The following CNTNAP2 variants were observed in gnomAD, a reference collection of about 807,000 sequenced individuals.
CNTNAP2 encodes contactin associated protein 2.
CNTNAP2 carries 98 observed loss-of-function variants against 155.2 expected under a neutral mutation model. The ratio of observed to expected loss-of-function variants is 0.63; its 90% CI spans 0.54 to 0.75. CNTNAP2 has a LOEUF of 0.75. CNTNAP2 is among the 30% of genes least tolerant of loss of function. The pLI is 0.00. For missense variants in CNTNAP2, 1,727 were observed against 1,688.1 expected (o/e 1.02, Z -0.40); for synonymous variants, 651 against 631.2 (o/e 1.03, Z -0.47).
At chr7:146,262,565 C>T (rs1799936341) in intron 1 of CNTNAP2, among the ~76,000 whole-genome samples, 1 of 152,070 alleles carries the variant, frequency 6.6e-6, no homozygotes, top group Non-Finnish European at 1.5e-5. Flanking sequence ...AAAAAACAAG[C>T]AACCAACTAC....
chr7:147,131,591 A>T (rs1801373425), intron 7 of CNTNAP2, among the ~76,000 whole-genome samples: 1 of 152,072 alleles, frequency 6.6e-6, no homozygotes, highest in South Asian at 2.1e-4. Context: ...GAATTAATGC[A>T]TTGTGATATA....
At chr7:147,202,731 G>T (rs1802947107) in intron 8 of CNTNAP2, among the ~76,000 whole-genome samples, 2 of 152,026 alleles carry the variant, frequency 1.3e-5, no homozygotes. Context: ...CTCACTCATA[G>T]GTGGGAGTTG....
chr7:146,317,639 A>G (rs1448856784), intron 1 of CNTNAP2, among the ~76,000 whole-genome samples: 2 of 152,220 alleles, frequency 1.3e-5, no homozygotes, highest in African/African-American at 2.4e-5. Flanking sequence ...ATTTTCTACA[A>G]GTTAAAAACT....
chr7:147,025,337 AGGGGG>A (rs1414820925), intron 3 of CNTNAP2, among the ~76,000 whole-genome samples: 1 of 36,354 alleles, frequency 2.8e-5, no homozygotes, highest in Non-Finnish European at 5.3e-5. Context: ...GGGAGAAGAA[AGGGGG>A]GAGGGGAGGG....
rs186428507 is a variant in CNTNAP2, at chr7:147,244,350, T to C, written c.1349-55791T>C. ...CCAATAAAAAGAAAATGACGTTTCT[T>C]TGCAAGGAGTAGACTTTACTAAGCA... On this transcript the variant is annotated intron_variant, in intron 8 of 23. Coordinates refer to ENST00000361727, the MANE Select transcript of CNTNAP2 (RefSeq NM_014141.6). Among the ~76,000 whole-genome samples the C allele has an allele frequency of 2.7e-3, 407 of 152,252 alleles. 1 individual carries two copies. The highest frequency in any genetic ancestry group is 9.2e-3 in the African/African-American group (381 of 41,534).
chr7:146,534,599 C>G (rs1275400883), intron 1 of CNTNAP2, among the ~76,000 whole-genome samples: 1 of 151,986 alleles, frequency 6.6e-6, no homozygotes, highest in Non-Finnish European at 1.5e-5. Context: ...ATAAGAACAA[C>G]AGGTTTCTAA....
At chr7:146,369,519 T>C (rs888897368) in intron 1 of CNTNAP2, among the ~76,000 whole-genome samples, 1 of 152,192 alleles carries the variant, frequency 6.6e-6, no homozygotes, top group Admixed American at 6.5e-5. Context: ...CATAGGAATT[T>C]ACGTTTTCAG....
intron 14 of CNTNAP2, among the ~76,000 whole-genome samples, chr7:147,935,204 G>A (rs534191584): frequency 3.6e-4 from 54 of 151,784 alleles, no homozygotes; most frequent in African/African-American, 1.2e-3. Context: ...TCGGCTCACT[G>A]CAATCTGTGC....
chr7:148,294,934 G>A (rs979162020), intron 21 of CNTNAP2, among the ~76,000 whole-genome samples: 4 of 151,962 alleles, frequency 2.6e-5, no homozygotes, highest in Admixed American at 2.0e-4. Context: ...TTTTGCATCT[G>A]TTTCACTCTT....
chr7:147,149,903 A>C (rs995595162), intron 8 of CNTNAP2, among the ~76,000 whole-genome samples: 1 of 152,186 alleles, frequency 6.6e-6, no homozygotes, highest in African/African-American at 2.4e-5. Context: ...GTTAAAAGAT[A>C]TAACTATCAC....
chr7:148,351,558 C>T (rs1427969994), intron 21 of CNTNAP2, among the ~76,000 whole-genome samples: 6 of 151,696 alleles, frequency 4.0e-5, no homozygotes, highest in Non-Finnish European at 7.4e-5. Context: ...GCCTGACCAA[C>T]ATGGTGAAAC....
intron 10 of CNTNAP2, among the ~76,000 whole-genome samples, chr7:147,424,855 C>T (rs1221990850): frequency 3.3e-5 from 5 of 152,146 alleles, no homozygotes; most frequent in African/African-American, 9.7e-5. Flanking sequence ...TCATCTTTCA[C>T]TCTTCCTTTT....
At chr7:146,410,528 G>T (rs1338042575) in intron 1 of CNTNAP2, among the ~76,000 whole-genome samples, 1 of 152,020 alleles carries the variant, frequency 6.6e-6, no homozygotes, top group African/African-American at 2.4e-5. Flanking sequence ...AATTCAGGGG[G>T]AGACGTGCAG....
intron 13 of CNTNAP2, among the ~76,000 whole-genome samples, chr7:147,724,500 C>A (rs1032227149): frequency 5.9e-5 from 9 of 151,980 alleles, no homozygotes; most frequent in African/African-American, 2.2e-4. Flanking sequence ...AAAACCAATC[C>A]AAACAGCCTC....
intron 1 of CNTNAP2, among the ~76,000 whole-genome samples, chr7:146,285,228 A>G (rs1421121358): frequency 6.6e-6 from 1 of 152,224 alleles, no homozygotes; most frequent in Non-Finnish European, 1.5e-5. Context: ...TCATAGAGAC[A>G]TGGATATTAA....
chr7:146,186,643 A>G (rs1049529604), intron 1 of CNTNAP2, among the ~76,000 whole-genome samples: 1 of 152,162 alleles, frequency 6.6e-6, no homozygotes, highest in Non-Finnish European at 1.5e-5. Context: ...ATGAATGACA[A>G]TTTGGATATG....
At chr7:147,719,999 C>A (rs1184977359) in intron 13 of CNTNAP2, among the ~76,000 whole-genome samples, 3 of 152,030 alleles carry the variant, frequency 2.0e-5, no homozygotes, top group Non-Finnish European at 4.4e-5. Flanking sequence ...TTAAGACAGG[C>A]ACTCCTGTAT....
chr7:146,260,128 A>G (rs1031716596), intron 1 of CNTNAP2, among the ~76,000 whole-genome samples: 2 of 152,236 alleles, frequency 1.3e-5, no homozygotes, highest in Non-Finnish European at 2.9e-5. Flanking sequence ...GGCAGCTTCC[A>G]CATGTGTTGG....
chr7:147,801,852 C>CGGG (rs139509820), intron 13 of CNTNAP2, among the ~76,000 whole-genome samples: 2 of 151,196 alleles, frequency 1.3e-5, no homozygotes, highest in Non-Finnish European at 1.5e-5. Context: ...ACCTCCCAGA[C>CGGG]GGGGGGGGCG....
Sources: gnomAD v4.1 joint callset for allele counts (sites outside exome capture counted in the v4.1 genomes callset) on GRCh38, gnomAD v4.1.1 for gene constraint, MANE v1.5 for transcripts, NCBI Gene and HGNC (gene_info 2026-07-23, HGNC 2026-07-21) for gene names.